Variants in ESRP1 observed in about 807,000 individuals in gnomAD.
ESRP1 encodes the protein epithelial splicing regulatory protein 1.
In ESRP1, 33 loss-of-function variants were observed where a neutral mutation model predicts 81.7. The observed-to-expected ratio is 0.40, with a 90% CI of 0.31 to 0.54. ESRP1 has a LOEUF of 0.54. Ranked by LOEUF, ESRP1 falls within the 20% of genes least tolerant of loss-of-function variation. ESRP1 has a pLI of 0.41. For missense variants in ESRP1, 672 were observed against 833.1 expected (o/e 0.81, Z 2.38); for synonymous variants, 320 against 303.3 (o/e 1.06, Z -0.57).
chr8:94,641,684 C>T, intron 1 of ESRP1: 1 of 735,948 alleles, frequency 1.4e-6, no homozygotes, highest in South Asian at 2.1e-5. Flanking sequence ...CGCTACCGAG[C>T]CGGGTTCTTT....
chr8:94,699,778 T>C (rs928463890), intron 15 of ESRP1, among the ~76,000 whole-genome samples: 2 of 152,158 alleles, frequency 1.3e-5, no homozygotes, highest in Non-Finnish European at 2.9e-5. Context: ...GAGAGACAGG[T>C]ATAAAGAAGT....
intron 13 of ESRP1, among the ~76,000 whole-genome samples, chr8:94,681,457 G>A (rs1233631101): frequency 6.6e-6 from 1 of 151,420 alleles, no homozygotes; most frequent in Non-Finnish European, 1.5e-5. Flanking sequence ...GGCCAACATG[G>A]TGAAACTCCA....
At chr8:94,662,161 GA>G in intron 4 of ESRP1, 110 bp from the exon 5 acceptor site, 1 of 635,970 alleles carries the variant, frequency 1.6e-6, no homozygotes, top group South Asian at 2.3e-5. Context: ...ATTTCTAAAG[GA>G]AGCTCAGCTA....
chr8:94,701,139 G>T (rs1809818452), intron 15 of ESRP1, among the ~76,000 whole-genome samples: 1 of 151,860 alleles, frequency 6.6e-6, no homozygotes, highest in Non-Finnish European at 1.5e-5. Flanking sequence ...GCTGGGTGTG[G>T]TGGTGTGTGC....
At chr8:94,652,073 C>T (rs1209334849) in intron 4 of ESRP1, among the ~76,000 whole-genome samples, 4 of 135,888 alleles carry the variant, frequency 2.9e-5, no homozygotes, top group African/African-American at 8.2e-5. Context: ...CTGCAACCTT[C>T]ACCTTCTGGG....
chr8:94,700,773 C>A (rs1017870143), intron 15 of ESRP1, among the ~76,000 whole-genome samples: 5 of 151,594 alleles, frequency 3.3e-5, no homozygotes, highest in Admixed American at 6.6e-5. Flanking sequence ...ACTAAAAATA[C>A]AAAAAATCAG....
Position 94,671,531 on chromosome 8 carries a change from G to T in ESRP1, c.1312G>T (p.Val438Leu). Reference sequence around the variant, plus strand: ...TATTCCAGTACTACCTCAGCAATTTGTGCCCCCTACAAATGTTAGAGACTG... The same window carrying T: ...TATTCCAGTACTACCTCAGCAATTTTTGCCCCCTACAAATGTTAGAGACTG... ...PIIPVLPQQF[V>L]PPTNVRDCIR... The change falls in exon 11 of 16, where the codon GTG becomes TTG. Residue 438 changes from valine (V) to leucine (L), a missense_variant. Val to Leu is a conservative substitution (Grantham distance 32). Coordinates refer to ENST00000433389, the MANE Select transcript of ESRP1 (RefSeq NM_017697.4). The T allele has an allele frequency of 6.2e-7, 1 of 1,613,716 alleles. No homozygotes were observed. The highest frequency in any genetic ancestry group is 8.5e-7 in the Non-Finnish European group (1 of 1,179,844).
At chr8:94,682,027 T>C (rs1489028120) in intron 13 of ESRP1, among the ~76,000 whole-genome samples, 1 of 152,222 alleles carries the variant, frequency 6.6e-6, no homozygotes, top group Non-Finnish European at 1.5e-5. Flanking sequence ...TTTTCTCTTT[T>C]TGGGCTTTTC....
intron 15 of ESRP1, among the ~76,000 whole-genome samples, chr8:94,697,270 A>C (rs1809641427): frequency 6.6e-6 from 1 of 152,216 alleles, no homozygotes; most frequent in Non-Finnish European, 1.5e-5. Flanking sequence ...GGTAAAAATT[A>C]CATAACATAA....
intron 12 of ESRP1, among the ~76,000 whole-genome samples, 160 bp from the exon 13 acceptor site, chr8:94,678,042 AT>A (rs1395369234): frequency 1.3e-5 from 2 of 152,240 alleles, no homozygotes; most frequent in Non-Finnish European, 2.9e-5. Flanking sequence ...ACTTCTATGC[AT>A]TAACTGTATA....
chr8:94,705,971 A>C lies in ESRP1; in HGVS notation c.*82A>C, dbSNP rs779093118. On this transcript the variant is annotated 3_prime_UTR_variant, in exon 16 of 16. Coordinates refer to ENST00000433389, the MANE Select transcript of ESRP1 (RefSeq NM_017697.4). ...TCTTGAAACCTCCAGACACAAGAAA[A>C]CTTCTAGCAAATTCAGGGGAAGTTT... 2 of 1,521,302 alleles carry C rather than the reference A, an allele frequency of 1.3e-6. No individual in the cohort carries two copies. The highest frequency in any genetic ancestry group is 2.6e-5 in the South Asian group (2 of 78,202). 94.2% of individuals were successfully genotyped at this position (1,521,302 alleles called of 1,614,324 possible).
intron 10 of ESRP1, 54 bp downstream of exon 10, chr8:94,668,304 C>A: frequency 6.8e-7 from 1 of 1,461,116 alleles, no homozygotes; most frequent in Non-Finnish European, 9.2e-7. Context: ...TGTTCTTTAT[C>A]TCTGAAAATA....
Position 94,671,668 on chromosome 8 carries a change from C to T in ESRP1, c.1449C>T (p.His483=). Residue 483 remains histidine, a synonymous_variant, in exon 11 of 16, where the codon CAC becomes CAT. Transcript: ENST00000433389. The part of the protein sequence containing the change: ...RTHGVHMVLN[H]QGRPSGDAFI... Reference sequence around the variant, plus strand: ...ATGGGGTTCACATGGTTTTGAATCACCAGGTAAGAAAGATACTTAGTGGAA... The same window carrying T: ...ATGGGGTTCACATGGTTTTGAATCATCAGGTAAGAAAGATACTTAGTGGAA... The T allele has an allele frequency of 1.2e-6, 2 of 1,612,744 alleles. No individual in the cohort carries two copies. Among genetic ancestry groups the T allele is most frequent in the Non-Finnish European group, 1.7e-6 (2 of 1,179,230 alleles).
chr8:94,665,340 G>T, intron 9 of ESRP1, 144 bp downstream of exon 9: 3 of 831,534 alleles, frequency 3.6e-6, no homozygotes, highest in Non-Finnish European at 5.7e-6. Flanking sequence ...TTCCCCAGAG[G>T]TAGAAGCTTC....
intron 15 of ESRP1, chr8:94,705,647 C>A: frequency 3.1e-6 from 1 of 321,200 alleles, no homozygotes; most frequent in South Asian, 8.4e-5. Context: ...GGAAACCATA[C>A]ATGTTAAACT....
intron 4 of ESRP1, chr8:94,649,776 G>C (rs1258556792): frequency 6.6e-6 from 1 of 152,258 alleles, no homozygotes; most frequent in East Asian, 1.9e-4. Flanking sequence ...GCCTCCCAAA[G>C]TGCTGGGATT....
intron 1 of ESRP1, 106 bp downstream of exon 1, chr8:94,641,556 T>TGAGCACAA: frequency 6.7e-7 from 1 of 1,494,396 alleles, no homozygotes; most frequent in Admixed American, 1.7e-5. Flanking sequence ...TGCTCTTGTT[T>TGAGCACAA]GCCCACTTGT....
chr8:94,688,979 G>A (rs1415370236), intron 13 of ESRP1, among the ~76,000 whole-genome samples: 1 of 152,106 alleles, frequency 6.6e-6, no homozygotes, highest in African/African-American at 2.4e-5. Context: ...ACCCAGGCAT[G>A]GTGGCTCACG....
chr8:94,641,843 C>G (rs1817613298), intron 1 of ESRP1, 113 bp from the exon 2 acceptor site: 2 of 1,484,064 alleles, frequency 1.3e-6, no homozygotes, highest in African/African-American at 1.4e-5. Flanking sequence ...TTTGATTCTG[C>G]GTCCGGACCC....
Sources: allele counts gnomAD v4.1 joint callset (sites outside exome capture counted in the v4.1 genomes callset), GRCh38; gene constraint gnomAD v4.1.1; transcripts MANE v1.5; gene names NCBI Gene and HGNC (gene_info 2026-07-23, HGNC 2026-07-21).